Variants in AMMECR1 observed in about 807,000 individuals in gnomAD.
AMMECR1 encodes AMMECR nuclear protein 1, also known as nuclear protein AMMECR1.
Under a neutral mutation model 22.5 loss-of-function variants are expected in AMMECR1, and 3 were observed. That is an observed-to-expected ratio of 0.13 (90% CI 0.06 to 0.35). AMMECR1 has a LOEUF of 0.35. AMMECR1 is among the 10% of genes least tolerant of loss of function. The pLI is 1.00. For missense variants in AMMECR1, 235 were observed against 278.7 expected, an observed-to-expected ratio of 0.84 and a Z score of 1.12; for synonymous variants, 130 against 116.7, an observed-to-expected ratio of 1.11 and a Z score of -0.74.
At chrX:110,391,927 A>T (rs1015699307) in intron 2 of AMMECR1, among the ~76,000 whole-genome samples, 1 of 112,357 alleles carries the variant, frequency 8.9e-6, no homozygotes, top group Admixed American at 9.4e-5. Context: ...AAAAAATAAT[A>T]TGCTTCTCCT....
chrX:110,391,823 A>AACGACT (rs2068495693), intron 2 of AMMECR1, among the ~76,000 whole-genome samples: 1 of 112,321 alleles, frequency 8.9e-6, no homozygotes, highest in African/African-American at 3.2e-5. Flanking sequence ...GAACAGCATC[A>AACGACT]TCTTCCCCTT....
rs138703373 is a variant in AMMECR1 at position 110,436,564 on chromosome X, T to C, written c.-294+3326A>G. 3.2e-4 allele frequency among the ~76,000 whole-genome samples: 36 copies of C among 112,166 alleles called. 1 individual carries two copies. In the East Asian group the frequency reaches 0.01, roughly 31 times the overall value. ...AACTAGGGATGCTTCCCACTCCTCT[T>C]TCTTGCTGAGCAGAGAAGCAAGGGG... On this transcript the variant is annotated intron_variant, in intron 1 of 7. Transcript: ENST00000372057.
intron 3 of AMMECR1, among the ~76,000 whole-genome samples, chrX:110,204,547 C>T (rs966860018): frequency 7.2e-5 from 8 of 111,318 alleles, no homozygotes; most frequent in Non-Finnish European, 1.5e-4. Context: ...ACTAGATAAC[C>T]TCTAATAAGC....
chrX:110,227,675 G>A (rs1040841786), intron 2 of AMMECR1, among the ~76,000 whole-genome samples: 3 of 112,091 alleles, frequency 2.7e-5, no homozygotes, highest in African/African-American at 9.7e-5. Flanking sequence ...TGGAGGAAGA[G>A]AAGAGGACCA....
chrX:110,253,729 C>G (rs2067696945), intron 2 of AMMECR1, among the ~76,000 whole-genome samples: 1 of 111,533 alleles, frequency 9.0e-6, no homozygotes, highest in Admixed American at 9.5e-5. Flanking sequence ...AGAAATCTCC[C>G]CTTTTGGCCA....
chrX:110,407,790 ACT>A (rs2068613376), intron 2 of AMMECR1, among the ~76,000 whole-genome samples: 1 of 112,066 alleles, frequency 8.9e-6, no homozygotes, highest in African/African-American at 3.3e-5. Flanking sequence ...AGAAGGTCTG[ACT>A]CTCATTTTCT....
At position 110,438,139 on chromosome X, in the gene AMMECR1, T is replaced by C. The variant is rs192692956; in HGVS notation, c.-294+1751A>G. On this transcript the variant is annotated intron_variant, in intron 1 of 7. Coordinates refer to the AMMECR1 transcript ENST00000372057. ...ACTCCTGTTCTGAGGCTCATGTTTGTACCTAGAATGATTTCATGTTCCTCC... is the reference window on the plus strand; with the variant it reads ...ACTCCTGTTCTGAGGCTCATGTTTGCACCTAGAATGATTTCATGTTCCTCC... Among the ~76,000 whole-genome samples, 153 of 111,384 alleles carry C rather than the reference T, an allele frequency of 1.4e-3. 1 individual carries two copies. Among genetic ancestry groups the C allele is most frequent in the Non-Finnish European group, 2.3e-3 (122 of 53,131 alleles).
At chrX:110,219,490 G>A (rs2067490295) in intron 2 of AMMECR1, 4 of 750,413 alleles carry the variant, frequency 5.3e-6, no homozygotes, top group Non-Finnish European at 6.3e-6. Flanking sequence ...ATAAGTTTTA[G>A]CTCAATGCAG....
intron 3 of AMMECR1, among the ~76,000 whole-genome samples, chrX:110,203,049 T>A (rs1276337750): frequency 3.6e-5 from 4 of 111,993 alleles, no homozygotes; most frequent in Non-Finnish European, 7.5e-5. Flanking sequence ...CAGGTAAGAT[T>A]GAAAATTAAT....
chrX:110,361,662 T>C (rs2068264465), intron 2 of AMMECR1, among the ~76,000 whole-genome samples: 1 of 112,320 alleles, frequency 8.9e-6, no homozygotes, highest in Non-Finnish European at 1.9e-5. Flanking sequence ...CCATATTTAG[T>C]ATTGCAAGCG....
intron 2 of AMMECR1, among the ~76,000 whole-genome samples, chrX:110,417,312 C>A (rs982609862): frequency 8.9e-6 from 1 of 112,067 alleles, no homozygotes; most frequent in South Asian, 3.8e-4. Flanking sequence ...GGAGGAGGCA[C>A]ATCTGGTTTG....
At chrX:110,201,517 A>G (rs989303324) in intron 4 of AMMECR1, among the ~76,000 whole-genome samples, 3 of 112,008 alleles carry the variant, frequency 2.7e-5, no homozygotes, top group African/African-American at 9.7e-5. Flanking sequence ...GTTTGTGTGC[A>G]GTATTCAAGG....
At chrX:110,270,720 T>C (rs36106944) in intron 1 of AMMECR1, among the ~76,000 whole-genome samples, 1,598 of 111,790 alleles carry the variant, frequency 0.014, 15 homozygotes, top group Middle Eastern at 0.032. Context: ...GTTTCTACAT[T>C]ATCACCATTA....
intron 2 of AMMECR1, among the ~76,000 whole-genome samples, chrX:110,397,949 G>C (rs2068539319): frequency 8.9e-6 from 1 of 112,310 alleles, no homozygotes; most frequent in African/African-American, 3.2e-5. Flanking sequence ...AGACCCTTAA[G>C]GAAAAGGGTG....
intron 2 of AMMECR1, among the ~76,000 whole-genome samples, chrX:110,333,547 A>G (rs1381560992): frequency 8.9e-6 from 1 of 111,923 alleles, no homozygotes; most frequent in African/African-American, 3.2e-5. Flanking sequence ...AGCACTGTTC[A>G]CAATAGCAAA....
chrX:110,371,296 T>G (rs911781560), intron 2 of AMMECR1, among the ~76,000 whole-genome samples: 16 of 110,565 alleles, frequency 1.4e-4, no homozygotes, highest in African/African-American at 5.3e-4. Flanking sequence ...TATATATTTT[T>G]GGGGTACATG....
intron 2 of AMMECR1, among the ~76,000 whole-genome samples, chrX:110,400,394 C>T (rs2068556262): frequency 9.2e-6 from 1 of 109,023 alleles, no homozygotes; most frequent in African/African-American, 3.4e-5. Flanking sequence ...CCGTATTGTT[C>T]TGAGTCCTTT....
At chrX:110,410,475 A>T (rs770664695) in intron 2 of AMMECR1, among the ~76,000 whole-genome samples, 18 of 112,479 alleles carry the variant, frequency 1.6e-4, no homozygotes, top group Non-Finnish European at 3.4e-4. Context: ...GGAGGTAATT[A>T]TCCACCTATT....
At chrX:110,439,672 C>T (rs902284407) in intron 1 of AMMECR1, among the ~76,000 whole-genome samples, 7 of 111,412 alleles carry the variant, frequency 6.3e-5, no homozygotes, top group African/African-American at 9.8e-5. Flanking sequence ...GTGGTGGGGG[C>T]GGTGGGGTGG....
Sources: gnomAD v4.1 joint callset for allele counts (sites outside exome capture counted in the v4.1 genomes callset) on GRCh38, gnomAD v4.1.1 for gene constraint, MANE v1.5 for transcripts, NCBI Gene and HGNC (gene_info 2026-07-23, HGNC 2026-07-21) for gene names.